NRXN3: variants seen among roughly 807,000 people sequenced by gnomAD.
NRXN3 encodes the protein neurexin 3.
Under a neutral mutation model 137.6 loss-of-function variants are expected in NRXN3, and 32 were observed. The ratio of observed to expected loss-of-function variants is 0.23; its 90% CI spans 0.18 to 0.31. The LOEUF (loss-of-function observed/expected upper bound fraction) is 0.31. NRXN3 is among the 10% of genes least tolerant of loss of function. NRXN3 has a pLI of 1.00. For synonymous variants in NRXN3, 798 were observed against 784.5 expected (o/e 1.02, Z -0.29); for missense variants, 1,574 against 2,062.5 (o/e 0.76, Z 4.59).
intron 4 of NRXN3, among the ~76,000 whole-genome samples, chr14:78,530,265 G>A (rs1238377782): frequency 6.6e-6 from 1 of 152,160 alleles, no homozygotes; most frequent in East Asian, 1.9e-4. Flanking sequence ...GTGGACAGAG[G>A]CACCAGGTTA....
chr14:79,796,356 T>C (rs759635314), intron 19 of NRXN3, among the ~76,000 whole-genome samples: 17 of 152,212 alleles, frequency 1.1e-4, no homozygotes, highest in African/African-American at 2.2e-4. Flanking sequence ...GGAAGGTACA[T>C]TGAAGTTTGG....
At chr14:78,384,609 A>T (rs149531457) in intron 4 of NRXN3, among the ~76,000 whole-genome samples, 4 of 152,246 alleles carry the variant, frequency 2.6e-5, no homozygotes, top group African/African-American at 9.6e-5. Context: ...GACCCACTAT[A>T]ACTGGGGGAG....
At chr14:79,844,355 G>A (rs1217255338) in intron 20 of NRXN3, among the ~76,000 whole-genome samples, 4 of 149,272 alleles carry the variant, frequency 2.7e-5, no homozygotes, top group African/African-American at 7.4e-5. Flanking sequence ...CTAGAATGGC[G>A]GATCCTTCTA....
At chr14:78,172,657 G>A (rs1247892900) in intron 1 of NRXN3, among the ~76,000 whole-genome samples, 1 of 152,084 alleles carries the variant, frequency 6.6e-6, no homozygotes, top group Non-Finnish European at 1.5e-5. Flanking sequence ...CTGGAAGGGG[G>A]GGAAAAGGCT....
chr14:79,356,719 T>C (rs2093436439), intron 15 of NRXN3, among the ~76,000 whole-genome samples: 1 of 152,094 alleles, frequency 6.6e-6, no homozygotes, highest in African/African-American at 2.4e-5. Context: ...TGCTGATATG[T>C]TCAATTTACT....
At chr14:79,838,135 A>G (rs1022598976) in intron 20 of NRXN3, among the ~76,000 whole-genome samples, 1 of 152,176 alleles carries the variant, frequency 6.6e-6, no homozygotes, top group African/African-American at 2.4e-5. Flanking sequence ...CCTAACCTAC[A>G]TGATTTTACA....
intron 4 of NRXN3, among the ~76,000 whole-genome samples, chr14:78,433,186 A>AT (rs1351956590): frequency 6.6e-6 from 1 of 151,798 alleles, no homozygotes; most frequent in East Asian, 1.9e-4. Context: ...TGAAGTCCCC[A>AT]TTTTTTTTCT....
At chr14:78,803,880 T>G in intron 9 of NRXN3, 57 bp downstream of exon 9, 1 of 1,470,190 alleles carries the variant, frequency 6.8e-7, no homozygotes, top group East Asian at 2.3e-5. Flanking sequence ...CTTTCTTTTC[T>G]GATTTTCATT....
intron 4 of NRXN3, among the ~76,000 whole-genome samples, chr14:78,576,767 G>T (rs2096940107): frequency 6.6e-6 from 1 of 152,168 alleles, no homozygotes; most frequent in Non-Finnish European, 1.5e-5. Flanking sequence ...AGGGTTATGT[G>T]GCAAAGGGAA....
intron 15 of NRXN3, among the ~76,000 whole-genome samples, chr14:79,401,671 G>A (rs944116845): frequency 6.6e-6 from 1 of 152,082 alleles, no homozygotes; most frequent in Non-Finnish European, 1.5e-5. Flanking sequence ...TGAGGGAGGT[G>A]TTGCTCTTTC....
intron 8 of NRXN3, among the ~76,000 whole-genome samples, chr14:78,797,803 G>T (rs988711604): frequency 4.6e-5 from 7 of 152,116 alleles, no homozygotes; most frequent in Admixed American, 2.6e-4. Context: ...AAGGTAAAAG[G>T]CACCTCTTAC....
At chr14:79,629,775 G>A (rs2098324208) in intron 16 of NRXN3, among the ~76,000 whole-genome samples, 2 of 151,712 alleles carry the variant, frequency 1.3e-5, no homozygotes, top group Non-Finnish European at 2.9e-5. Flanking sequence ...TCAAATGCAC[G>A]GTGATAAAGA....
chr14:79,813,381 C>T (rs1443704328), intron 20 of NRXN3, among the ~76,000 whole-genome samples: 1 of 152,030 alleles, frequency 6.6e-6, no homozygotes, highest in Admixed American at 6.5e-5. Context: ...ATTTGAAGAA[C>T]ATTTTGTTGT....
chr14:79,432,411 T>G (rs2095775728), intron 15 of NRXN3, among the ~76,000 whole-genome samples: 1 of 152,172 alleles, frequency 6.6e-6, no homozygotes, highest in Admixed American at 6.6e-5. Context: ...TTCTCCTACC[T>G]CTAAACAGAA....
intron 15 of NRXN3, among the ~76,000 whole-genome samples, chr14:79,139,921 A>G (rs1467944327): frequency 6.7e-6 from 1 of 149,668 alleles, no homozygotes; most frequent in East Asian, 1.9e-4. Context: ...ATATATATAT[A>G]TATATCATAT....
intron 10 of NRXN3, among the ~76,000 whole-genome samples, chr14:78,857,279 A>G (rs1249797004): frequency 6.6e-6 from 1 of 150,502 alleles, no homozygotes; most frequent in Non-Finnish European, 1.5e-5. Flanking sequence ...TTCAACATTT[A>G]CATTGGAAGA....
chr14:79,110,782 ATTTATTTATTTATTTT>A (rs1268910810), intron 15 of NRXN3, among the ~76,000 whole-genome samples: 4 of 147,708 alleles, frequency 2.7e-5, no homozygotes, highest in South Asian at 2.1e-4. Flanking sequence ...TTATTTATTT[ATTTATTTATTTATTTT>A]TTTATTTTTT....
At chr14:79,828,790 C>T (rs1476261909) in intron 20 of NRXN3, among the ~76,000 whole-genome samples, 2 of 151,606 alleles carry the variant, frequency 1.3e-5, no homozygotes, top group African/African-American at 2.4e-5. Flanking sequence ...TATTGTGCTT[C>T]TTCAAGCACA....
intron 10 of NRXN3, among the ~76,000 whole-genome samples, chr14:78,827,470 A>G (rs1453223019): frequency 6.6e-6 from 1 of 152,234 alleles, no homozygotes; most frequent in African/African-American, 2.4e-5. Context: ...TGCCATCAGA[A>G]TATTTTAAAG....
Sources: allele counts gnomAD v4.1 joint callset (sites outside exome capture counted in the v4.1 genomes callset), GRCh38; gene constraint gnomAD v4.1.1; transcripts MANE v1.5; gene names NCBI Gene and HGNC (gene_info 2026-07-23, HGNC 2026-07-21).